EPHB1: variants seen among roughly 807,000 people sequenced by gnomAD.
The protein encoded by EPHB1 is EPH receptor B1, also known as ephrin type-B receptor 1.
EPHB1 carries 30 observed loss-of-function variants against 94.4 expected under a neutral mutation model. That is an observed-to-expected ratio of 0.32 (90% confidence interval 0.24 to 0.43). The LOEUF (loss-of-function observed/expected upper bound fraction) is 0.43. Ranked by LOEUF, EPHB1 falls within the 20% of genes least tolerant of loss-of-function variation. EPHB1 has a pLI of 1.00. For synonymous variants in EPHB1, 522 were observed against 489.1 expected, an observed-to-expected ratio of 1.07 and a Z score of -0.89; for missense variants, 1,055 against 1,308.3, an observed-to-expected ratio of 0.81 and a Z score of 2.99.
chr3:135,169,638 C>T (rs952329769), intron 9 of EPHB1, among the ~76,000 whole-genome samples: 3 of 152,142 alleles, frequency 2.0e-5, no homozygotes, highest in African/African-American at 7.2e-5. Context: ...AAACTGAAGG[C>T]TCTGATGGAG....
chr3:134,932,684 C>T (rs192330185), intron 2 of EPHB1, among the ~76,000 whole-genome samples: 22 of 152,298 alleles, frequency 1.4e-4, no homozygotes, highest in Admixed American at 9.2e-4. Flanking sequence ...TTGGTAAACA[C>T]TTAGGAAATG....
intron 1 of EPHB1, among the ~76,000 whole-genome samples, chr3:134,830,289 A>G (rs923463590): frequency 6.6e-6 from 1 of 152,234 alleles, no homozygotes; most frequent in African/African-American, 2.4e-5. Context: ...TAGCCACAGT[A>G]CAATAATCAA....
At chr3:134,893,042 A>G (rs530090751) in intron 1 of EPHB1, among the ~76,000 whole-genome samples, 1 of 152,040 alleles carries the variant, frequency 6.6e-6, no homozygotes, top group South Asian at 2.1e-4. Context: ...AGCCAAATAT[A>G]ATGAAAAATC....
chr3:135,149,792 A>G (rs1274133331), intron 5 of EPHB1, among the ~76,000 whole-genome samples: 5 of 152,174 alleles, frequency 3.3e-5, no homozygotes, highest in Admixed American at 2.0e-4. Context: ...CCCTCATGTC[A>G]TTGCCATGAA....
At chr3:134,841,107 G>T (rs1487577982) in intron 1 of EPHB1, among the ~76,000 whole-genome samples, 1 of 152,180 alleles carries the variant, frequency 6.6e-6, no homozygotes, top group African/African-American at 2.4e-5. Flanking sequence ...TCCACCAGGA[G>T]AAGCTGTGTG....
intron 1 of EPHB1, among the ~76,000 whole-genome samples, chr3:134,902,364 G>A (rs1384059335): frequency 1.3e-5 from 2 of 152,176 alleles, no homozygotes; most frequent in Non-Finnish European, 2.9e-5. Flanking sequence ...GGAGGAAGGT[G>A]CCACCCAGTG....
intron 12 of EPHB1, among the ~76,000 whole-genome samples, chr3:135,237,405 A>C (rs750034256): frequency 1.2e-4 from 18 of 152,136 alleles, no homozygotes; most frequent in Non-Finnish European, 2.6e-4. Context: ...AATTCTTGGC[A>C]ACACAACTAT....
chr3:135,217,424 C>CCA (rs200312241), intron 12 of EPHB1, among the ~76,000 whole-genome samples: 13,106 of 143,378 alleles, frequency 0.091, 666 homozygotes, highest in Middle Eastern at 0.14. Context: ...CCCATCAGTA[C>CCA]CACACACACA....
At chr3:135,052,973 GTA>G (rs1206438512) in intron 3 of EPHB1, among the ~76,000 whole-genome samples, 4 of 108,504 alleles carry the variant, frequency 3.7e-5, no homozygotes, top group Admixed American at 1.1e-4. Flanking sequence ...ATATATATGT[GTA>G]TATATATGTG....
intron 3 of EPHB1, among the ~76,000 whole-genome samples, chr3:135,103,560 T>A (rs553562130): frequency 6.6e-6 from 1 of 152,224 alleles, no homozygotes; most frequent in Non-Finnish European, 1.5e-5. Flanking sequence ...TTTCTAATAA[T>A]CTGTGGGAGT....
At chr3:135,029,173 TGC>T (rs1936315459) in intron 3 of EPHB1, among the ~76,000 whole-genome samples, 1 of 23,640 alleles carries the variant, frequency 4.2e-5, no homozygotes, top group African/African-American at 7.1e-5. Context: ...TCTTGACTCT[TGC>T]CAATTTGCCA....
At chr3:134,959,354 G>A (rs2107720669) in intron 3 of EPHB1, among the ~76,000 whole-genome samples, 1 of 152,290 alleles carries the variant, frequency 6.6e-6, no homozygotes, top group South Asian at 2.1e-4. Context: ...GCTAGTTAAT[G>A]TTAGCACTGG....
At chr3:135,222,014 A>G (rs1036928144) in intron 12 of EPHB1, among the ~76,000 whole-genome samples, 1 of 152,190 alleles carries the variant, frequency 6.6e-6, no homozygotes, top group Admixed American at 6.5e-5. Flanking sequence ...AAGTGGTGGG[A>G]TCCTAATATA....
At chr3:134,927,091 T>C (rs781271962) in intron 2 of EPHB1, among the ~76,000 whole-genome samples, 1 of 152,136 alleles carries the variant, frequency 6.6e-6, no homozygotes, top group Non-Finnish European at 1.5e-5. Context: ...TAGGACAGGG[T>C]GGCCCTGGGC....
intron 7 of EPHB1, 35 bp from the exon 8 acceptor site, chr3:135,165,933 C>A (rs1035497558): frequency 3.9e-6 from 6 of 1,523,766 alleles, no homozygotes; most frequent in Non-Finnish European, 1.8e-6. Context: ...GCAAAAGGCA[C>A]ATGGGGAGGA....
At chr3:135,165,201 C>A (rs891558566) in intron 7 of EPHB1, among the ~76,000 whole-genome samples, 2 of 152,130 alleles carry the variant, frequency 1.3e-5, no homozygotes, top group Admixed American at 6.5e-5. Flanking sequence ...TTTAGGACAC[C>A]TATGATAGAG....
intron 1 of EPHB1, among the ~76,000 whole-genome samples, chr3:134,873,022 A>C (rs1325778976): frequency 6.6e-6 from 1 of 152,222 alleles, no homozygotes; most frequent in Non-Finnish European, 1.5e-5. Context: ...CACAATTCAC[A>C]CAGTGACATT....
At chr3:135,021,475 T>C (rs569815959) in intron 3 of EPHB1, among the ~76,000 whole-genome samples, 1 of 152,162 alleles carries the variant, frequency 6.6e-6, no homozygotes, top group Non-Finnish European at 1.5e-5. Context: ...CTAAAACTGG[T>C]TATTTCTGGT....
At chr3:135,177,428 C>T (rs1318935657) in intron 9 of EPHB1, among the ~76,000 whole-genome samples, 5 of 152,174 alleles carry the variant, frequency 3.3e-5, no homozygotes, top group African/African-American at 1.2e-4. Flanking sequence ...TTTCCCTGGC[C>T]CTGGAGCCTC....
Sources: allele counts gnomAD v4.1 joint callset (sites outside exome capture counted in the v4.1 genomes callset), GRCh38; gene constraint gnomAD v4.1.1; transcripts MANE v1.5; gene names NCBI Gene and HGNC (gene_info 2026-07-23, HGNC 2026-07-21).